TRRAP: variants seen among roughly 807,000 people sequenced by gnomAD.
The protein encoded by TRRAP is transformation/transcription domain associated protein, also known as transformation/transcription domain-associated protein.
TRRAP carries 41 observed loss-of-function variants against 438.8 expected under a neutral mutation model. The observed-to-expected ratio is 0.09, with a 90% confidence interval of 0.07 to 0.12. TRRAP has a LOEUF of 0.12. Ranked by LOEUF, TRRAP falls within the 10% of genes least tolerant of loss-of-function variation. The pLI, the probability that TRRAP is intolerant of heterozygous loss-of-function variation, is 1.00. For synonymous variants in TRRAP, 1,994 were observed against 1,962.9 expected, an observed-to-expected ratio of 1.02 and a Z score of -0.42; for missense variants, 3,122 against 5,055.1, an observed-to-expected ratio of 0.62 and a Z score of 11.60.
intron 5 of TRRAP, among the ~76,000 whole-genome samples, chr7:98,892,730 T>G (rs782546489): frequency 6.6e-6 from 1 of 152,244 alleles, no homozygotes; most frequent in Non-Finnish European, 1.5e-5. Context: ...ATTGTTTGAG[T>G]TACTGAGGAA....
At chr7:98,979,516 A>G (rs1792818635) in intron 58 of TRRAP, among the ~76,000 whole-genome samples, 1 of 152,170 alleles carries the variant, frequency 6.6e-6, no homozygotes, top group Non-Finnish European at 1.5e-5. Flanking sequence ...AATATTTTCC[A>G]TCCACAGTTG....
In TRRAP at chr7:98,912,887, C is replaced by T. The variant is rs1387084512; in HGVS notation, c.2199+674C>T. Among the ~76,000 whole-genome samples the T allele has an allele frequency of 4.6e-5, 7 of 152,204 alleles. No individual in the cohort carries two copies. The South Asian group carries it at 8.3e-4, about 18-fold the overall frequency. The stretch of plus-strand genomic sequence containing the variant: ...TGTTTGACAAGGAGACAGGAGACTC[C>T]GTTCTCCCAGAGCTGGGGTCTTGTG... On this transcript the variant is annotated intron_variant, in intron 18 of 72. Coordinates refer to ENST00000456197, the MANE Select transcript of TRRAP (RefSeq NM_001375524.1).
intron 69 of TRRAP, among the ~76,000 whole-genome samples, chr7:99,007,858 G>A (rs1433110745): frequency 7.1e-6 from 1 of 140,454 alleles, no homozygotes; most frequent in African/African-American, 2.7e-5. Context: ...ATGGAGTCTC[G>A]CTCTGTCGCC....
chr7:98,914,075 T>C (rs1255496675), intron 18 of TRRAP, among the ~76,000 whole-genome samples: 1 of 152,198 alleles, frequency 6.6e-6, no homozygotes, highest in Non-Finnish European at 1.5e-5. Flanking sequence ...ATCAACAACC[T>C]TAACTTTTGT....
At chr7:99,009,854 T>C (rs532610703) in intron 70 of TRRAP, among the ~76,000 whole-genome samples, 8 of 151,762 alleles carry the variant, frequency 5.3e-5, no homozygotes, top group Non-Finnish European at 1.0e-4. Flanking sequence ...TTTATTTTGT[T>C]ATTTATTCTA....
intron 3 of TRRAP, 109 bp from the exon 4 acceptor site, chr7:98,890,226 G>A: frequency 1.8e-6 from 1 of 541,208 alleles, no homozygotes; most frequent in Non-Finnish European, 2.9e-6. Flanking sequence ...GCACAAATTT[G>A]CTTTTGGCTA....
At position 98,949,906 on chromosome 7, in the gene TRRAP, C is replaced by T. The variant is rs375755334; in HGVS notation, c.5135+65C>T. 502 of 1,578,952 alleles carry T rather than the reference C, an allele frequency of 3.2e-4. 9 individuals carry two copies. In the South Asian group the frequency reaches 5.7e-3, roughly 18 times the overall value. ...TGTCCCAAAAGCTCAGCCAGAGCCT[C>T]CTTCTACTCTGTACAAGGCTGTGGT... On this transcript the variant is annotated intron_variant, in intron 37 of 72. Transcript: ENST00000456197.
At position 99,008,411 on chromosome 7, in the gene TRRAP, C is replaced by G; in HGVS notation, c.10788C>G (p.Arg3596=). Residue 3596 remains arginine (R), a synonymous_variant, in exon 70 of 73, where the codon CGC becomes CGG. Transcript: ENST00000456197. ...TTGTGGCAGTTTCCCCACAGATGCG[C>G]CTCGTGGAGGACAACCCCTCTTCAC... is the stretch of plus-strand genomic sequence containing the variant. ...PRVVAVSPQM[R]LVEDNPSSLS... 6.2e-7 allele frequency: 1 copy of G among 1,614,248 alleles called. No homozygotes were observed. Among genetic ancestry groups the G allele is most frequent in the Non-Finnish European group, 8.5e-7 (1 of 1,180,036 alleles).
At chr7:98,935,704 A>G in intron 28 of TRRAP, 29 bp downstream of exon 28, 1 of 1,561,122 alleles carries the variant, frequency 6.4e-7, no homozygotes, top group East Asian at 2.3e-5. Flanking sequence ...ACGGGGTATA[A>G]AAGTGAAAGG....
intron 4 of TRRAP, among the ~76,000 whole-genome samples, chr7:98,891,773 C>T (rs923320555): frequency 3.4e-5 from 5 of 145,880 alleles, no homozygotes; most frequent in East Asian, 2.1e-4. Context: ...CTCCTGACCT[C>T]GTGATCTGCC....
intron 61 of TRRAP, among the ~76,000 whole-genome samples, chr7:98,984,590 T>C (rs1337198129): frequency 6.6e-6 from 1 of 152,192 alleles, no homozygotes; most frequent in African/African-American, 2.4e-5. Flanking sequence ...ACTTAGTTAA[T>C]GTGTTTAAGG....
Position 98,964,617 on chromosome 7 carries a change from T to G in TRRAP, c.6830-12T>G. On this transcript the variant is annotated splice_polypyrimidine_tract_variant and intron_variant, in intron 47 of 72. Transcript: ENST00000456197. Reference sequence around the variant, plus strand: ...CTTTTCTGTGAAACACTTGGCAATTTCTACATTTTAGGGACCCTTATGATC... The same window carrying G: ...CTTTTCTGTGAAACACTTGGCAATTGCTACATTTTAGGGACCCTTATGATC... 1 of 1,603,626 alleles carries G rather than the reference T, an allele frequency of 6.2e-7. No homozygotes were observed. Among genetic ancestry groups the G allele is most frequent in the African/African-American group, 1.3e-5 (1 of 74,460 alleles).
At chr7:98,925,084 CTG>C (rs1554411319) in intron 21 of TRRAP, 26 bp from the exon 22 acceptor site, 1 of 1,590,760 alleles carries the variant, frequency 6.3e-7, no homozygotes, top group East Asian at 2.2e-5. Context: ...TCAGCACAAA[CTG>C]TAGTTTCTTT....
chr7:99,005,141 C>T lies in TRRAP; in HGVS notation c.10546C>T (p.Arg3516Trp), dbSNP rs771203518. 7 of 1,613,412 alleles carry T rather than the reference C, an allele frequency of 4.3e-6. No individual in the cohort carries two copies. Among genetic ancestry groups the T allele is most frequent in the East Asian group, 2.2e-5 (1 of 44,900 alleles). The change falls in exon 69 of 73, where the codon CGG becomes TGG. Residue 3516 changes from arginine (R) to tryptophan (W), a missense_variant. Coordinates refer to ENST00000456197, the MANE Select transcript of TRRAP (RefSeq NM_001375524.1). This position sits in a 1 kb window ranked among gnomAD's most constrained non-coding sequence, Gnocchi z 5.1. ...TTCTCGCTCTGGCAGGTTCATGCCC[C>T]GGGTAGAGATTGTGCAGAAGCACAA... ...YYIKIARFMP[R>W]VEIVQKHNTA...
At position 98,930,755 on chromosome 7, in the gene TRRAP, T is replaced by G. The variant is rs782130831; in HGVS notation, c.3516T>G (p.Pro1172=). 1.4e-5 allele frequency: 22 copies of G among 1,614,102 alleles called. No individual in the cohort carries two copies. Among genetic ancestry groups the G allele is most frequent in the Non-Finnish European group, 1.6e-5 (19 of 1,180,052 alleles). Residue 1172 remains proline (P), a synonymous_variant, in exon 25 of 73, where the codon CCT becomes CCG. Transcript: ENST00000456197. Reference sequence around the variant, plus strand: ...TTAAGTTTCTCATGGAGCGGCTGCCTCTCACTTGGGTTCTCCAGAACCAGC... The same window carrying G: ...TTAAGTTTCTCATGGAGCGGCTGCCGCTCACTTGGGTTCTCCAGAACCAGC... ...VSIKFLMERL[P]LTWVLQNQQT...
At chr7:98,992,255 A>T (rs776764444) in intron 65 of TRRAP, 28 bp downstream of exon 65, 1 of 1,611,342 alleles carries the variant, frequency 6.2e-7, no homozygotes, top group East Asian at 2.2e-5. Flanking sequence ...CCGGTAGGCC[A>T]GGCCGGGAAG....
At chr7:98,944,925 C>A (rs1233235753) in intron 31 of TRRAP, among the ~76,000 whole-genome samples, 1 of 152,194 alleles carries the variant, frequency 6.6e-6, no homozygotes, top group Non-Finnish European at 1.5e-5. Context: ...CTGCCTCAGC[C>A]TCCCAAGTAG....
intron 67 of TRRAP, chr7:98,999,457 A>G (rs1584409034): frequency 1.2e-6 from 1 of 847,012 alleles, no homozygotes. Flanking sequence ...GGCTTGAGCT[A>G]TCCTTCTCGG....
Position 98,906,976 on chromosome 7 carries a change from A to G in TRRAP, c.1115+721A>G, listed in dbSNP as rs957242829. Among the ~76,000 whole-genome samples the G allele has an allele frequency of 6.6e-5, 10 of 152,050 alleles. No individual in the cohort carries two copies. The South Asian group carries it at 1.5e-3, about 22-fold the overall frequency. ...CACAGGGAGATGGAGTAATGTTGCT[A>G]ATATCTTAATGTATGTCCGTATAAT... is the stretch of plus-strand genomic sequence containing the variant. On this transcript the variant is annotated intron_variant, in intron 13 of 72. Transcript: ENST00000456197.
Sources: allele counts gnomAD v4.1 joint callset (sites outside exome capture counted in the v4.1 genomes callset), GRCh38; gene constraint gnomAD v4.1.1; non-coding constraint Gnocchi (gnomAD v3.1); transcripts MANE v1.5; gene names NCBI Gene and HGNC (gene_info 2026-07-23, HGNC 2026-07-21).